The following TLL1 variants were observed in gnomAD, a reference collection of about 807,000 sequenced individuals.
TLL1 encodes tolloid-like protein 1.
A neutral mutation model predicts 128.2 loss-of-function variants in TLL1; 49 were observed. That is an observed-to-expected ratio of 0.38 (90% CI 0.30 to 0.48). The LOEUF (loss-of-function observed/expected upper bound fraction) is 0.48, where lower values mean the gene tolerates loss of function less well. Among genes scored for constraint, TLL1 ranks in the 20% least tolerant of loss-of-function variants. The pLI is 0.96. For synonymous variants in TLL1, 454 were observed against 418.8 expected, an observed-to-expected ratio of 1.08 and a Z score of -1.03; for missense variants, 1,123 against 1,242.0, an observed-to-expected ratio of 0.90 and a Z score of 1.44.
intron 16 of TLL1, among the ~76,000 whole-genome samples, chr4:166,074,405 A>T (rs1740927385): frequency 6.6e-6 from 1 of 151,940 alleles, no homozygotes. Context: ...TTAAGTGATT[A>T]CATACAAATC....
In TLL1 at chr4:166,100,850, C is replaced by T; in HGVS notation, c.3016C>T (p.Pro1006Ser). Residue 1006 changes from proline to serine, a missense_variant, in exon 21 of 21, where the codon CCA becomes TCA. This residue lies in a region of TLL1 where 634 missense variants were observed against 672.4 expected (regional missense o/e 0.94). Coordinates refer to ENST00000061240, the MANE Select transcript of TLL1 (RefSeq NM_012464.5). ...TATAAGATACAAAAGCATAAGATAT[C>T]CAGATACCACACATACCAAAAAATA... Reference protein sequence around the residue: ...FHIRYKSIRYPDTTHTKK With the variant: ...FHIRYKSIRYSDTTHTKK 6.2e-7 allele frequency: 1 copy of T among 1,612,642 alleles called. No individual in the cohort carries two copies. Among genetic ancestry groups the T allele is most frequent in the Non-Finnish European group, 8.5e-7 (1 of 1,179,210 alleles).
intron 1 of TLL1, among the ~76,000 whole-genome samples, chr4:165,907,185 T>G (rs1732299812): frequency 6.6e-6 from 1 of 152,234 alleles, no homozygotes; most frequent in Non-Finnish European, 1.5e-5. Flanking sequence ...CAGTTTAGCA[T>G]GAACAAATAT....
intron 1 of TLL1, among the ~76,000 whole-genome samples, chr4:165,921,264 A>G (rs1733029250): frequency 1.3e-5 from 2 of 152,236 alleles, no homozygotes; most frequent in African/African-American, 4.8e-5. Flanking sequence ...AAACTTTTAT[A>G]AAAATCAGGA....
intron 2 of TLL1, among the ~76,000 whole-genome samples, chr4:165,990,239 C>T (rs1180584488): frequency 6.6e-6 from 1 of 151,640 alleles, no homozygotes; most frequent in Non-Finnish European, 1.5e-5. Context: ...GAGAAAATTG[C>T]AAGGTTAGAA....
At chr4:166,087,116 T>C (rs902302899) in intron 18 of TLL1, among the ~76,000 whole-genome samples, 1 of 152,166 alleles carries the variant, frequency 6.6e-6, no homozygotes, top group African/African-American at 2.4e-5. Flanking sequence ...TTTTTACCTT[T>C]TGAATTAATG....
intron 1 of TLL1, among the ~76,000 whole-genome samples, chr4:165,970,123 T>A (rs1045555514): frequency 3.9e-5 from 6 of 152,204 alleles, no homozygotes; most frequent in Non-Finnish European, 7.4e-5. Context: ...GACCTCTTTT[T>A]TGAATTAAGT....
chr4:165,964,877 G>C (rs888617478), intron 1 of TLL1, among the ~76,000 whole-genome samples: 1 of 152,176 alleles, frequency 6.6e-6, no homozygotes, highest in South Asian at 2.1e-4. Flanking sequence ...TTAGAGGTTA[G>C]AGTGAGCCAT....
At chr4:165,914,326 C>T (rs1166672637) in intron 1 of TLL1, among the ~76,000 whole-genome samples, 4 of 151,744 alleles carry the variant, frequency 2.6e-5, no homozygotes, top group African/African-American at 9.7e-5. Flanking sequence ...CTATTTTTTT[C>T]CCCAGAATTT....
At chr4:166,084,874 G>A (rs529970805) in intron 18 of TLL1, among the ~76,000 whole-genome samples, 2 of 151,538 alleles carry the variant, frequency 1.3e-5, no homozygotes, top group Non-Finnish European at 2.9e-5. Context: ...GATTGCTTTG[G>A]CTATGCAGTC....
At position 166,095,332 on chromosome 4, in the gene TLL1, T is replaced by A. The variant is rs187319540; in HGVS notation, c.2657-3945T>A. On this transcript the variant is annotated intron_variant, in intron 19 of 20. Coordinates refer to ENST00000061240, the MANE Select transcript of TLL1 (RefSeq NM_012464.5). ...TTCCTCTGATAGTTTGCTCAAATTC[T>A]AATTCCAAATTTATTTTAATAGGTA... 2.4e-3 allele frequency among the ~76,000 whole-genome samples: 369 copies of A among 152,156 alleles called. 1 individual carries two copies. The highest frequency in any genetic ancestry group is 0.01 in the Middle Eastern group (3 of 294).
intron 18 of TLL1, 76 bp downstream of exon 18, chr4:166,078,106 T>C: frequency 6.3e-7 from 1 of 1,599,322 alleles, no homozygotes; most frequent in Admixed American, 1.7e-5. Context: ...GGAAATAAAA[T>C]GGAGGTTTAT....
intron 11 of TLL1, among the ~76,000 whole-genome samples, chr4:166,042,678 G>A (rs1414902026): frequency 6.6e-6 from 1 of 152,146 alleles, no homozygotes; most frequent in East Asian, 1.9e-4. Flanking sequence ...CTCCTTTCTT[G>A]CCAGGTTGTG....
At chr4:165,994,739 T>C (rs1225106077) in intron 4 of TLL1, among the ~76,000 whole-genome samples, 1 of 152,210 alleles carries the variant, frequency 6.6e-6, no homozygotes, top group Non-Finnish European at 1.5e-5. Context: ...TTTAAAGCAC[T>C]GTTCTGGTTT....
intron 1 of TLL1, among the ~76,000 whole-genome samples, chr4:165,969,562 C>T (rs1014118356): frequency 5.3e-5 from 8 of 152,014 alleles, no homozygotes; most frequent in Admixed American, 3.3e-4. Flanking sequence ...CTGAGAAAAA[C>T]GTATGAAAAA....
At chr4:165,882,394 G>A (rs929414060) in intron 1 of TLL1, among the ~76,000 whole-genome samples, 25 of 151,998 alleles carry the variant, frequency 1.6e-4, no homozygotes, top group Non-Finnish European at 3.5e-4. Flanking sequence ...GGTAAAACAG[G>A]CTTCTCATTT....
At chr4:165,987,507 CTT>C (rs1161052438) in intron 1 of TLL1, among the ~76,000 whole-genome samples, 4 of 151,990 alleles carry the variant, frequency 2.6e-5, no homozygotes. Flanking sequence ...TCTGTACACT[CTT>C]TGTGGCTTTG....
intron 1 of TLL1, among the ~76,000 whole-genome samples, chr4:165,970,421 G>C (rs141217455): frequency 2.6e-5 from 4 of 152,104 alleles, no homozygotes; most frequent in African/African-American, 9.7e-5. Context: ...TAAAGCAGGT[G>C]AATTGTTTGA....
chr4:166,009,256 CA>C (rs1380003861), intron 7 of TLL1, among the ~76,000 whole-genome samples: 1 of 151,394 alleles, frequency 6.6e-6, no homozygotes, highest in Non-Finnish European at 1.5e-5. Context: ...AAACATTTAA[CA>C]AATGGATATT....
chr4:166,081,933 C>A (rs1475156108), intron 18 of TLL1, among the ~76,000 whole-genome samples: 1 of 152,108 alleles, frequency 6.6e-6, no homozygotes, highest in African/African-American at 2.4e-5. Flanking sequence ...CTAGGGCAAT[C>A]TGTTCCTTCA....
Sources: gnomAD v4.1 joint callset for allele counts (sites outside exome capture counted in the v4.1 genomes callset) on GRCh38, gnomAD v4.1.1 for gene constraint, gnomAD v4.1.1 regional missense constraint, MANE v1.5 for transcripts, NCBI Gene and HGNC (gene_info 2026-07-23, HGNC 2026-07-21) for gene names.